PIP5K1B: variants seen among roughly 807,000 people sequenced by gnomAD.
The protein encoded by PIP5K1B is phosphatidylinositol-4-phosphate 5-kinase type 1 beta, also known as phosphatidylinositol 4-phosphate 5-kinase type-1 beta.
PIP5K1B carries 42 observed loss-of-function variants against 67.0 expected under a neutral mutation model. The ratio of observed to expected loss-of-function variants is 0.63; its 90% CI spans 0.49 to 0.81. The LOEUF (loss-of-function observed/expected upper bound fraction) is 0.81, where lower values mean the gene tolerates loss of function less well. PIP5K1B is among the 30% of genes least tolerant of loss of function. The pLI is 0.00. For synonymous variants in PIP5K1B, 214 were observed against 231.4 expected, an observed-to-expected ratio of 0.92 and a Z score of 0.68; for missense variants, 459 against 646.3, an observed-to-expected ratio of 0.71 and a Z score of 3.14.
rs530575443 is a variant in PIP5K1B at position 68,987,494 on chromosome 9, G to A, written c.1503-3646G>A. On this transcript the variant is annotated intron_variant, in intron 14 of 15. Coordinates refer to ENST00000265382, the MANE Select transcript of PIP5K1B (RefSeq NM_003558.4). Reference sequence around the variant, plus strand: ...GGAGAATCACTTGAACCTGGGAGGCGGAGGTTGCAGTGAGCCAAGATCATG... The same window carrying A: ...GGAGAATCACTTGAACCTGGGAGGCAGAGGTTGCAGTGAGCCAAGATCATG... Among the ~76,000 whole-genome samples the A allele has an allele frequency of 5.9e-5, 9 of 152,240 alleles. No homozygotes were observed. In the East Asian group the frequency reaches 1.3e-3, roughly 23 times the overall value.
chr9:68,890,200 T>C (rs1051340521), intron 7 of PIP5K1B, among the ~76,000 whole-genome samples: 1 of 152,224 alleles, frequency 6.6e-6, no homozygotes, highest in Non-Finnish European at 1.5e-5. Context: ...GTAAATGTGA[T>C]AGTGTGAAAA....
chr9:68,743,075 T>C (rs2132322428), intron 2 of PIP5K1B, among the ~76,000 whole-genome samples: 1 of 152,308 alleles, frequency 6.6e-6, no homozygotes, highest in East Asian at 1.9e-4. Context: ...GATTTTGTAC[T>C]AGGCCCTAGG....
intron 14 of PIP5K1B, among the ~76,000 whole-genome samples, chr9:68,965,430 A>G (rs572327761): frequency 1.2e-4 from 18 of 152,294 alleles, no homozygotes; most frequent in Admixed American, 9.8e-4. Flanking sequence ...TAGTACCTCA[A>G]TCACAGGCTG....
chr9:68,800,986 G>A (rs777194698), intron 2 of PIP5K1B, among the ~76,000 whole-genome samples: 1 of 152,148 alleles, frequency 6.6e-6, no homozygotes, highest in African/African-American at 2.4e-5. Flanking sequence ...GAAAAGTGTC[G>A]ATCCAAGTTG....
chr9:68,945,259 C>T (rs1266355270), intron 14 of PIP5K1B, among the ~76,000 whole-genome samples: 1 of 152,078 alleles, frequency 6.6e-6, no homozygotes, highest in Non-Finnish European at 1.5e-5. Flanking sequence ...GATTCCCCTG[C>T]CACAGCCTCC....
chr9:68,895,486 G>A lies in PIP5K1B; in HGVS notation c.771+848G>A, dbSNP rs373182695. On this transcript the variant is annotated intron_variant, in intron 8 of 15. Transcript: ENST00000265382. ...TTCTGCACTTTCCATGGGCCTGGACGGATGACCCATGTTGTTATAGGGGAG... is the reference window on the plus strand; with the variant it reads ...TTCTGCACTTTCCATGGGCCTGGACAGATGACCCATGTTGTTATAGGGGAG... Among the ~76,000 whole-genome samples, 29 of 152,178 alleles carry A rather than the reference G, an allele frequency of 1.9e-4. No homozygotes were observed. In the South Asian group the frequency reaches 3.7e-3, roughly 20 times the overall value.
intron 1 of PIP5K1B, among the ~76,000 whole-genome samples, chr9:68,726,836 A>C (rs1357788453): frequency 6.6e-6 from 1 of 152,168 alleles, no homozygotes; most frequent in Non-Finnish European, 1.5e-5. Context: ...ATATTCAAAT[A>C]GTTGTGTCCT....
chr9:68,730,149 T>A (rs1192352630), intron 1 of PIP5K1B, among the ~76,000 whole-genome samples: 1 of 152,190 alleles, frequency 6.6e-6, no homozygotes, highest in Non-Finnish European at 1.5e-5. Flanking sequence ...AGTACACTGA[T>A]CAGGATGAAA....
Position 68,779,872 on chromosome 9 carries a change from G to A in PIP5K1B, c.-86+37215G>A, listed in dbSNP as rs148245476. 3.4e-3 allele frequency among the ~76,000 whole-genome samples: 525 copies of A among 152,374 alleles called. 4 individuals carry two copies. The highest frequency in any genetic ancestry group is 0.011 in the African/African-American group (468 of 41,588). ...CAATCCAGAATATGACAATCTTATT[G>A]ACATGCGTCAACGCGAGCTTGCGCT... is the stretch of plus-strand genomic sequence containing the variant. On this transcript the variant is annotated intron_variant, in intron 2 of 15. Transcript: ENST00000265382.
chr9:68,800,392 A>C (rs1832537622), intron 2 of PIP5K1B, among the ~76,000 whole-genome samples: 1 of 152,222 alleles, frequency 6.6e-6, no homozygotes, highest in Admixed American at 6.5e-5. Flanking sequence ...GGTGTTTGTT[A>C]AATGGATGAG....
rs1279833779 is a variant in PIP5K1B at position 69,008,024 on chromosome 9, A to AT, written c.1621-422dup. 2.7e-5 allele frequency among the ~76,000 whole-genome samples: 4 copies of AT among 148,726 alleles called. No homozygotes were observed. The East Asian group carries it at 7.7e-4, about 29-fold the overall frequency. Reference sequence around the variant, plus strand: ...TTTAAATAGCTACCATTTGCTGAACATATTGTTACCACCCAGCCACAGTGA... The same window carrying AT: ...TTTAAATAGCTACCATTTGCTGAACATTATTGTTACCACCCAGCCACAGTGA... On this transcript the variant is annotated intron_variant, in intron 15 of 15. Coordinates refer to ENST00000265382, the MANE Select transcript of PIP5K1B (RefSeq NM_003558.4).
intron 13 of PIP5K1B, among the ~76,000 whole-genome samples, chr9:68,938,174 ATCTG>A (rs1434825180): frequency 3.9e-5 from 6 of 152,148 alleles, no homozygotes; most frequent in Non-Finnish European, 7.3e-5. Context: ...TGTCTCGTTG[ATCTG>A]TCTAATATTG....
Position 69,008,493 on chromosome 9 carries a change from C to A in PIP5K1B, c.*44C>A. The A allele has an allele frequency of 6.2e-7, 1 of 1,601,614 alleles. No homozygotes were observed. Among genetic ancestry groups the A allele is most frequent in the Non-Finnish European group, 8.6e-7 (1 of 1,168,642 alleles). On this transcript the variant is annotated 3_prime_UTR_variant, in exon 16 of 16. Transcript: ENST00000265382. The stretch of plus-strand genomic sequence containing the variant: ...TAAGCACATGGATGAGACGTGAGCA[C>A]AGTTATGGCAGAGAAGTTTCTCCGC...
intron 2 of PIP5K1B, chr9:68,780,207 G>C: frequency 6.5e-7 from 1 of 1,536,988 alleles, no homozygotes; most frequent in Non-Finnish European, 8.7e-7. Flanking sequence ...GCTGCCTCCG[G>C]GTACGGGCGG....
intron 2 of PIP5K1B, among the ~76,000 whole-genome samples, chr9:68,786,456 G>A (rs1002404180): frequency 8.2e-5 from 12 of 146,218 alleles, no homozygotes; most frequent in African/African-American, 3.1e-4. Context: ...AGGCCCTTTT[G>A]GTTTTTTTAT....
At chr9:68,907,579 T>C (rs1370954644) in intron 8 of PIP5K1B, among the ~76,000 whole-genome samples, 1 of 152,182 alleles carries the variant, frequency 6.6e-6, no homozygotes, top group Non-Finnish European at 1.5e-5. Flanking sequence ...ATATTGTTTC[T>C]CAATACCGAT....
chr9:69,000,058 C>T (rs976158607), intron 15 of PIP5K1B, among the ~76,000 whole-genome samples: 3 of 152,074 alleles, frequency 2.0e-5, no homozygotes, highest in Admixed American at 6.5e-5. Flanking sequence ...TACAATGTGG[C>T]GCAAAAATGA....
At chr9:68,858,859 C>T (rs1456265727) in intron 4 of PIP5K1B, among the ~76,000 whole-genome samples, 1 of 152,204 alleles carries the variant, frequency 6.6e-6, no homozygotes, top group Non-Finnish European at 1.5e-5. Flanking sequence ...AGATAGTGTG[C>T]TGTAGAAAGC....
At chr9:68,793,734 C>G (rs750882102) in intron 2 of PIP5K1B, among the ~76,000 whole-genome samples, 11 of 152,044 alleles carry the variant, frequency 7.2e-5, no homozygotes, top group Non-Finnish European at 1.3e-4. Flanking sequence ...ATTAGACATT[C>G]AAGTGGAGGC....
Sources: allele counts gnomAD v4.1 joint callset (sites outside exome capture counted in the v4.1 genomes callset), GRCh38; gene constraint gnomAD v4.1.1; transcripts MANE v1.5; gene names NCBI Gene and HGNC (gene_info 2026-07-23, HGNC 2026-07-21).